GRIK5: variants seen among roughly 807,000 people sequenced by gnomAD.
GRIK5 encodes glutamate ionotropic receptor kainate type subunit 5.
GRIK5 carries 43 observed loss-of-function variants against 97.4 expected under a neutral mutation model. The ratio of observed to expected loss-of-function variants is 0.44; its 90% CI spans 0.35 to 0.57. The LOEUF (loss-of-function observed/expected upper bound fraction) is 0.57. GRIK5 is among the 20% of genes least tolerant of loss of function. The pLI, the probability that GRIK5 is intolerant of heterozygous loss-of-function variation, is 0.01. For synonymous variants in GRIK5, 580 were observed against 583.5 expected, an observed-to-expected ratio of 0.99 and a Z score of 0.09; for missense variants, 1,015 against 1,382.0, an observed-to-expected ratio of 0.73 and a Z score of 4.21.
chr19:42,000,278 A>G (rs1397130690), intron 19 of GRIK5, among the ~76,000 whole-genome samples: 1 of 152,188 alleles, frequency 6.6e-6, no homozygotes, highest in African/African-American at 2.4e-5. Context: ...AGGGAGGCCA[A>G]GGCAAGAGCA....
Position 41,999,026 on chromosome 19 carries a change from C to T in GRIK5, c.2788G>A (p.Val930Met), listed in dbSNP as rs1362288294. Residue 930 changes from valine to methionine, a missense_variant, in exon 20 of 20, where the codon GTG (valine) becomes ATG (methionine). Physicochemically the swap from Val to Met is conservative, Grantham distance 21. Coordinates refer to ENST00000593562, the MANE Select transcript of GRIK5 (RefSeq NM_002088.5). This position sits in a 1 kb window ranked among gnomAD's most constrained non-coding sequence, Gnocchi z 5.0. ...RPAAPTPCTH[V>M]RVCQECRRIQ... ...CGCCGGCACTCCTGGCAGACGCGCA[C>T]GTGGGTGCAGGGGGTGGGGGCGGCG... is the stretch of plus-strand genomic sequence containing the variant. 1 of 943,036 alleles carries T rather than the reference C, an allele frequency of 1.1e-6. No homozygotes were observed. Among genetic ancestry groups the T allele is most frequent in the Non-Finnish European group, 1.4e-6 (1 of 737,892 alleles). The allele number at this position is 943,036 out of a possible 1,614,324, so 58.4% of individuals were successfully genotyped here. A position where few individuals can be genotyped will look rare whatever the true frequency, so the allele number is the denominator to read the frequency against.
intron 11 of GRIK5, among the ~76,000 whole-genome samples, chr19:42,043,343 T>C (rs991656596): frequency 2.0e-5 from 3 of 152,118 alleles, no homozygotes; most frequent in Non-Finnish European, 4.4e-5. Context: ...TCACCAGGGT[T>C]TAGCTCCAGT....
intron 12 of GRIK5, among the ~76,000 whole-genome samples, chr19:42,033,609 T>A (rs2075866656): frequency 6.6e-6 from 1 of 152,162 alleles, no homozygotes; most frequent in African/African-American, 2.4e-5. Flanking sequence ...CAATAGTGAT[T>A]ACACAACACT....
chr19:42,023,786 A>G (rs1166518512), intron 12 of GRIK5, among the ~76,000 whole-genome samples: 1 of 152,194 alleles, frequency 6.6e-6, no homozygotes, highest in East Asian at 1.9e-4. Context: ...GGCCACTGGT[A>G]TCTCACTCCT....
chr19:42,045,697 G>A (rs1371543789), intron 11 of GRIK5, among the ~76,000 whole-genome samples: 2 of 152,170 alleles, frequency 1.3e-5, no homozygotes, highest in Non-Finnish European at 2.9e-5. Flanking sequence ...CAAAATTGTG[G>A]AACGGGGAAC....
Position 41,998,954 on chromosome 19 carries a change from G to A in GRIK5, c.2860C>T (p.Leu954=). 1.7e-6 allele frequency: 2 copies of A among 1,151,516 alleles called. No individual in the cohort carries two copies. The highest frequency in any genetic ancestry group is 1.6e-5 in the African/African-American group (1 of 60,718). The allele number at this position is 1,151,516 out of a possible 1,614,324, so 71.3% of individuals were successfully genotyped here. The change falls in exon 20 of 20, where the codon CTG becomes TTG. Residue 954 remains leucine (L), a synonymous_variant. Transcript: ENST00000593562. ...CTGGTGGCTTCGGCGGGGACGCCCA[G>A]GCCACGCGGAGGCGCGCCGGCCCCC... is the stretch of plus-strand genomic sequence containing the variant. The part of the protein sequence containing the change: ...ASGAGAPPRG[L]GVPAEATSPP...
Position 42,059,523 on chromosome 19 carries a change from C to G in GRIK5, c.513G>C (p.Leu171=), listed in dbSNP as rs753956292. ...ASLICAKAEC[L]LRLEELVRGF... is the part of the protein sequence containing the mutation. ...CACGCACCAGTTCCTCCAATCGCAG[C>G]AGGCCTGAGGGAGGGGTGGGGCCTT... The change falls in exon 6 of 20, where the codon CTG becomes CTC. Residue 171 remains leucine, a synonymous_variant. Transcript: ENST00000593562. 1.2e-6 allele frequency: 2 copies of G among 1,611,146 alleles called. No individual in the cohort carries two copies. The highest frequency in any genetic ancestry group is 2.2e-5 in the South Asian group (2 of 91,048).
At position 42,053,814 on chromosome 19, in the gene GRIK5, G is replaced by T; in HGVS notation, c.1161+11C>A. ...CCAGCAGGGCTCTGGCGTCACCCTG[G>T]GTCTGCTCACCTCACGGTGGCCCTG... is the stretch of plus-strand genomic sequence containing the variant. On this transcript the variant is annotated intron_variant, in intron 10 of 19. Coordinates refer to ENST00000593562, the MANE Select transcript of GRIK5 (RefSeq NM_002088.5). 6.3e-7 allele frequency: 1 copy of T among 1,597,956 alleles called. No homozygotes were observed. The highest frequency in any genetic ancestry group is 1.3e-5 in the African/African-American group (1 of 74,670).
Position 42,042,511 on chromosome 19 carries a change from G to T in GRIK5, c.1473+41C>A. 6.5e-7 allele frequency: 1 copy of T among 1,545,570 alleles called. No homozygotes were observed. The stretch of plus-strand genomic sequence containing the variant: ...CCCAGCTGCCCGCCCTCCCTCACTC[G>T]CCGGGTCCATGCATCTTTCCCGGCC... On this transcript the variant is annotated intron_variant, in intron 12 of 19. Coordinates refer to ENST00000593562, the MANE Select transcript of GRIK5 (RefSeq NM_002088.5). This position sits in a 1 kb window ranked among gnomAD's most constrained non-coding sequence, Gnocchi z 6.9.
At chr19:42,043,266 C>T (rs1428701365) in intron 11 of GRIK5, among the ~76,000 whole-genome samples, 1 of 152,138 alleles carries the variant, frequency 6.6e-6, no homozygotes, top group Non-Finnish European at 1.5e-5. Context: ...TTCATCTTTC[C>T]ACATGGCTGG....
At chr19:42,067,495 G>A (rs560378170) in intron 1 of GRIK5, among the ~76,000 whole-genome samples, 3 of 152,320 alleles carry the variant, frequency 2.0e-5, no homozygotes, top group East Asian at 3.9e-4. Context: ...GATGCTGGGA[G>A]ACCCGGAGGA....
intron 12 of GRIK5, among the ~76,000 whole-genome samples, chr19:42,040,251 C>G (rs1196842996): frequency 6.6e-6 from 1 of 152,198 alleles, no homozygotes; most frequent in Non-Finnish European, 1.5e-5. Flanking sequence ...CCCAAATCCT[C>G]TCACCCTACC....
intron 8 of GRIK5, among the ~76,000 whole-genome samples, chr19:42,055,258 T>C (rs1360605218): frequency 1.3e-5 from 2 of 152,176 alleles, no homozygotes; most frequent in African/African-American, 2.4e-5. Flanking sequence ...ATCTGTGTTG[T>C]GTAGATGTGC....
intron 11 of GRIK5, among the ~76,000 whole-genome samples, chr19:42,049,428 G>A (rs972714835): frequency 6.6e-6 from 1 of 152,150 alleles, no homozygotes; most frequent in Non-Finnish European, 1.5e-5. Flanking sequence ...GATGAATCAG[G>A]AAATTGCAGT....
intron 19 of GRIK5, chr19:42,001,867 G>C: frequency 3.8e-6 from 2 of 526,852 alleles, no homozygotes; most frequent in Non-Finnish European, 3.3e-6. Flanking sequence ...TGGGTCTTAA[G>C]AGCCATTTGG....
In GRIK5 at chr19:42,062,953, A is replaced by G; in HGVS notation, c.245-98T>C. On this transcript the variant is annotated intron_variant, in intron 3 of 19. Transcript: ENST00000593562. The surrounding 1 kb of genome is among the most constrained non-coding windows in gnomAD (Gnocchi z 5.3). The stretch of plus-strand genomic sequence containing the variant: ...CCGCCATGGCCCAGGAGAGGATCAG[A>G]CACTGGCAACTGCCTGATCCTCTTC... The G allele has an allele frequency of 1.2e-6, 1 of 856,230 alleles. No individual in the cohort carries two copies. Among genetic ancestry groups the G allele is most frequent in the Non-Finnish European group, 1.9e-6 (1 of 517,952 alleles). The allele number at this position is 856,230 out of a possible 1,614,324, so 53.0% of individuals were successfully genotyped here. A position where few individuals can be genotyped will look rare whatever the true frequency, so the allele number is the denominator to read the frequency against.
chr19:42,017,628 G>C (rs2075640230), intron 15 of GRIK5, among the ~76,000 whole-genome samples: 1 of 152,286 alleles, frequency 6.6e-6, no homozygotes, highest in South Asian at 2.1e-4. Context: ...GAAACCAGGA[G>C]GACACAGAGC....
rs550980016 is a variant in GRIK5 at position 42,010,360 on chromosome 19, A to C, written c.1872-3550T>G. Among the ~76,000 whole-genome samples, 35 of 152,338 alleles carry C rather than the reference A, an allele frequency of 2.3e-4. No homozygotes were observed. In the South Asian group the frequency reaches 7.2e-3, roughly 32 times the overall value. On this transcript the variant is annotated intron_variant, in intron 15 of 19. Coordinates refer to ENST00000593562, the MANE Select transcript of GRIK5 (RefSeq NM_002088.5). The stretch of plus-strand genomic sequence containing the variant: ...CTAAACACACATATTTATAAAACGC[A>C]CCAAGACACATTATAATCAATTGCT...
intron 12 of GRIK5, among the ~76,000 whole-genome samples, chr19:42,026,151 A>G (rs2075769335): frequency 6.6e-6 from 1 of 151,738 alleles, no homozygotes; most frequent in Admixed American, 6.6e-5. Flanking sequence ...ACGCCTGACT[A>G]ATTTTGTTTA....
Sources: allele counts gnomAD v4.1 joint callset (sites outside exome capture counted in the v4.1 genomes callset), GRCh38; gene constraint gnomAD v4.1.1; non-coding constraint Gnocchi (gnomAD v3.1); transcripts MANE v1.5; gene names NCBI Gene and HGNC (gene_info 2026-07-23, HGNC 2026-07-21).